Variants in ZFHX3 observed in about 807,000 individuals in gnomAD.
The protein encoded by ZFHX3 is zinc finger homeobox protein 3.
A neutral mutation model predicts 279.1 loss-of-function variants in ZFHX3; 42 were observed. The observed-to-expected ratio is 0.15, with a 90% CI of 0.12 to 0.19. ZFHX3 has a LOEUF of 0.19. ZFHX3 is among the 10% of genes least tolerant of loss of function. The pLI, the probability that ZFHX3 is intolerant of heterozygous loss-of-function variation, is 1.00. For synonymous variants in ZFHX3, 2,293 were observed against 1,957.8 expected, an observed-to-expected ratio of 1.17 and a Z score of -4.52; for missense variants, 4,981 against 4,754.0, an observed-to-expected ratio of 1.05 and a Z score of -1.40.
chr16:73,251,537 G>C (rs1277600060), intron 5 of ZFHX3, among the ~76,000 whole-genome samples: 1 of 152,076 alleles, frequency 6.6e-6, no homozygotes, highest in African/African-American at 2.4e-5. Context: ...CAGAACCTTG[G>C]TCTTAGTCGC....
At chr16:72,813,826 C>G (rs1174876610) in intron 5 of ZFHX3, among the ~76,000 whole-genome samples, 5 of 152,172 alleles carry the variant, frequency 3.3e-5, no homozygotes, top group Non-Finnish European at 7.3e-5. Context: ...CCCCCATGGC[C>G]TACTTCCCAT....
chr16:73,387,533 G>A (rs1479182252), intron 3 of ZFHX3, among the ~76,000 whole-genome samples: 3 of 151,846 alleles, frequency 2.0e-5, no homozygotes, highest in African/African-American at 4.8e-5. Context: ...TGTTTTAAAG[G>A]TTATTTTCAT....
At chr16:73,737,306 G>C (rs2053617844) in intron 1 of ZFHX3, among the ~76,000 whole-genome samples, 1 of 152,094 alleles carries the variant, frequency 6.6e-6, no homozygotes, top group Admixed American at 6.5e-5. Flanking sequence ...CAAAATGCTG[G>C]AATTACAGGC....
At position 73,317,191 on chromosome 16, in the gene ZFHX3, T is replaced by A. The variant is rs2015470318; in HGVS notation, c.-1194+1049A>T. ...CCATGATACTGATGGGCAGGTCTGG[T>A]TGTATAACTACTGCTGAGGTTCAGG... is the stretch of plus-strand genomic sequence containing the variant. On this transcript the variant is annotated intron_variant, in intron 4 of 17. Transcript: ENST00000641206. Among the ~76,000 whole-genome samples, 3 of 151,628 alleles carry A rather than the reference T, an allele frequency of 2.0e-5. No individual in the cohort carries two copies. In the East Asian group the frequency reaches 5.8e-4, roughly 29 times the overall value.
chr16:73,319,265 G>T (rs981869730), intron 3 of ZFHX3, among the ~76,000 whole-genome samples: 3 of 152,018 alleles, frequency 2.0e-5, no homozygotes, highest in African/African-American at 7.2e-5. Context: ...AGCATCAAAG[G>T]CCAAGCAACG....
chr16:73,458,397 C>T (rs2018413055), intron 2 of ZFHX3, among the ~76,000 whole-genome samples: 1 of 146,458 alleles, frequency 6.8e-6, no homozygotes, highest in Non-Finnish European at 1.5e-5. Flanking sequence ...TCCCTCCCTC[C>T]CTGAGTCTTA....
chr16:73,734,393 T>A (rs1162425075), intron 1 of ZFHX3, among the ~76,000 whole-genome samples: 1 of 152,216 alleles, frequency 6.6e-6, no homozygotes, highest in Non-Finnish European at 1.5e-5. Flanking sequence ...AGCATCTTAA[T>A]TTGGTAAAAT....
chr16:73,234,921 T>C (rs2012894566), intron 5 of ZFHX3, among the ~76,000 whole-genome samples: 2 of 152,168 alleles, frequency 1.3e-5, no homozygotes, highest in Admixed American at 1.3e-4. Flanking sequence ...TTAATCTCTA[T>C]CATACAAAGA....
chr16:73,836,407 T>C (rs1961145732), intron 1 of ZFHX3, among the ~76,000 whole-genome samples: 1 of 152,224 alleles, frequency 6.6e-6, no homozygotes, highest in Non-Finnish European at 1.5e-5. Flanking sequence ...TTATTTAACA[T>C]GTTCATTTTT....
chr16:73,361,262 G>A (rs1394507277), intron 3 of ZFHX3, among the ~76,000 whole-genome samples: 1 of 152,234 alleles, frequency 6.6e-6, no homozygotes, highest in Non-Finnish European at 1.5e-5. Context: ...TGTGTGACTT[G>A]CTTTGGCCGA....
chr16:73,080,320 T>C (rs1266660270), intron 8 of ZFHX3, among the ~76,000 whole-genome samples: 1 of 152,220 alleles, frequency 6.6e-6, no homozygotes, highest in African/African-American at 2.4e-5. Flanking sequence ...CTTCATGTTA[T>C]GGACTGAAAG....
chr16:72,808,914 A>G (rs957315502), intron 7 of ZFHX3, among the ~76,000 whole-genome samples: 2 of 152,214 alleles, frequency 1.3e-5, no homozygotes, highest in Non-Finnish European at 2.9e-5. Context: ...TGGCTGTTGT[A>G]TAGCTTTCAT....
chr16:73,332,030 C>A (rs990801447), intron 3 of ZFHX3, among the ~76,000 whole-genome samples: 8 of 152,170 alleles, frequency 5.3e-5, no homozygotes, highest in Non-Finnish European at 8.8e-5. Context: ...CAACTCCATG[C>A]CTTATGCTAA....
chr16:73,890,902 G>T (rs993058371), intron 1 of ZFHX3, among the ~76,000 whole-genome samples: 1 of 151,498 alleles, frequency 6.6e-6, no homozygotes, highest in Non-Finnish European at 1.5e-5. Flanking sequence ...ACAATAAAGA[G>T]ATGCATTCTG....
At chr16:72,897,721 G>T (rs1358882168) in intron 3 of ZFHX3, among the ~76,000 whole-genome samples, 1 of 151,662 alleles carries the variant, frequency 6.6e-6, no homozygotes, top group Non-Finnish European at 1.5e-5. Flanking sequence ...GATTATAGAT[G>T]TAAGTCACCG....
chr16:72,957,369 C>T (rs2144431161), intron 2 of ZFHX3, 58 bp downstream of exon 2: 1 of 1,535,396 alleles, frequency 6.5e-7, no homozygotes, highest in South Asian at 1.3e-5. Flanking sequence ...ACCCTATTCA[C>T]CATTCTCCCT....
intron 5 of ZFHX3, among the ~76,000 whole-genome samples, chr16:73,161,675 C>T (rs975375668): frequency 1.3e-5 from 2 of 152,196 alleles, no homozygotes; most frequent in African/African-American, 4.8e-5. Flanking sequence ...CCTTCTAAGA[C>T]CTACTGAGTT....
intron 1 of ZFHX3, among the ~76,000 whole-genome samples, chr16:73,689,569 A>G (rs1306691860): frequency 6.6e-6 from 1 of 152,140 alleles, no homozygotes; most frequent in Non-Finnish European, 1.5e-5. Flanking sequence ...TTCCACATCT[A>G]AACAGCTGCC....
intron 4 of ZFHX3, among the ~76,000 whole-genome samples, chr16:73,297,515 T>C (rs983891409): frequency 6.6e-6 from 1 of 152,048 alleles, no homozygotes; most frequent in Admixed American, 6.5e-5. Context: ...GCAGCTTGAG[T>C]AGGTAGACCT....
Sources: allele counts gnomAD v4.1 joint callset (sites outside exome capture counted in the v4.1 genomes callset), GRCh38; gene constraint gnomAD v4.1.1; transcripts MANE v1.5; gene names NCBI Gene and HGNC (gene_info 2026-07-23, HGNC 2026-07-21).